MYO3B: variants seen among roughly 807,000 people sequenced by gnomAD.
The protein encoded by MYO3B is myosin IIIB.
In MYO3B, 156 loss-of-function variants were observed where a neutral mutation model predicts 174.6. That is an observed-to-expected ratio of 0.89 (90% CI 0.78 to 1.02). The LOEUF (loss-of-function observed/expected upper bound fraction) is 1.02. Ranked by LOEUF, MYO3B falls within the 50% of genes least tolerant of loss-of-function variation. MYO3B has a pLI of 0.00. For synonymous variants in MYO3B, 563 were observed against 569.1 expected (o/e 0.99, Z 0.15); for missense variants, 1,632 against 1,639.4 (o/e 1.00, Z 0.08).
At chr2:170,497,484 C>T (rs991509968) in intron 25 of MYO3B, among the ~76,000 whole-genome samples, 3 of 152,048 alleles carry the variant, frequency 2.0e-5, no homozygotes, top group Admixed American at 6.5e-5. Flanking sequence ...GGCACAGTGG[C>T]GGGCGCCTGT....
Position 170,580,718 on chromosome 2 carries a change from A to G in MYO3B, c.3733+36730A>G, listed in dbSNP as rs375782009. Among the ~76,000 whole-genome samples, 175 of 142,776 alleles carry G rather than the reference A, an allele frequency of 1.2e-3. 1 individual carries two copies. The highest frequency in any genetic ancestry group is 2.8e-3 in the Admixed American group (40 of 14,266). The allele number at this position is 142,776 out of a possible 152,430, so 93.7% of individuals were successfully genotyped here. A position where few individuals can be genotyped will look rare whatever the true frequency, so the allele number is the denominator to read the frequency against. On this transcript the variant is annotated intron_variant, in intron 32 of 34. Transcript: ENST00000408978. ...CTTCAGGTCCCACAAAACCTTATAT[A>G]TGTGTGTGTGTGTGTGTGTGTGTGT...
At chr2:170,253,301 G>C (rs2093272868) in intron 7 of MYO3B, among the ~76,000 whole-genome samples, 1 of 152,158 alleles carries the variant, frequency 6.6e-6, no homozygotes, top group Non-Finnish European at 1.5e-5. Context: ...GGGTATGAGA[G>C]GGAGAGAGGA....
chr2:170,270,951 C>T (rs2105369230), intron 7 of MYO3B, among the ~76,000 whole-genome samples: 1 of 152,174 alleles, frequency 6.6e-6, no homozygotes, highest in East Asian at 1.9e-4. Flanking sequence ...GTTCCACATC[C>T]ATGGAGTTGG....
At chr2:170,430,465 G>C (rs1042686541) in intron 22 of MYO3B, among the ~76,000 whole-genome samples, 4 of 149,510 alleles carry the variant, frequency 2.7e-5, no homozygotes, top group South Asian at 2.1e-4. Context: ...TCCGCCTCCT[G>C]GGTTCGAGGG....
At chr2:170,333,574 A>G (rs962032889) in intron 7 of MYO3B, among the ~76,000 whole-genome samples, 2 of 152,112 alleles carry the variant, frequency 1.3e-5, no homozygotes, top group African/African-American at 4.8e-5. Flanking sequence ...CTCTCTTCAG[A>G]TCCAAAAGAT....
chr2:170,284,804 C>G (rs923015477), intron 7 of MYO3B, among the ~76,000 whole-genome samples: 1 of 152,148 alleles, frequency 6.6e-6, no homozygotes, highest in African/African-American at 2.4e-5. Context: ...ACTATCTATC[C>G]TACTTGTCTC....
intron 8 of MYO3B, chr2:170,346,492 A>C (rs1327991547): frequency 6.6e-6 from 1 of 152,168 alleles, no homozygotes; most frequent in East Asian, 1.9e-4. Context: ...ATGACACCAT[A>C]AAACAATCAC....
At chr2:170,296,732 A>G (rs1435675616) in intron 7 of MYO3B, among the ~76,000 whole-genome samples, 2 of 152,198 alleles carry the variant, frequency 1.3e-5, no homozygotes, top group South Asian at 2.1e-4. Flanking sequence ...AGGTTTAATT[A>G]GCTTGCAGTT....
chr2:170,600,779 G>A (rs1313169672), intron 32 of MYO3B, among the ~76,000 whole-genome samples: 2 of 152,244 alleles, frequency 1.3e-5, no homozygotes, highest in Non-Finnish European at 2.9e-5. Flanking sequence ...GCCATTACAT[G>A]GTAATGGGAG....
At chr2:170,481,740 G>A (rs942760319) in intron 25 of MYO3B, among the ~76,000 whole-genome samples, 1 of 151,994 alleles carries the variant, frequency 6.6e-6, no homozygotes, top group African/African-American at 2.4e-5. Flanking sequence ...ACCTTCTAGG[G>A]GCAGGAGTGG....
At chr2:170,511,762 A>G (rs1387038810) in intron 28 of MYO3B, among the ~76,000 whole-genome samples, 10 of 152,152 alleles carry the variant, frequency 6.6e-5, no homozygotes, top group Non-Finnish European at 1.2e-4. Context: ...ATTTTTTCCC[A>G]TCAAGACGGA....
intron 7 of MYO3B, among the ~76,000 whole-genome samples, chr2:170,278,530 T>A (rs921401827): frequency 2.0e-5 from 3 of 152,148 alleles, no homozygotes; most frequent in African/African-American, 7.2e-5. Context: ...ATGTGATGTT[T>A]TATGCATAGA....
intron 25 of MYO3B, among the ~76,000 whole-genome samples, chr2:170,472,670 T>A: frequency 9.2e-6 from 1 of 109,230 alleles, no homozygotes; most frequent in African/African-American, 2.9e-5. Context: ...GCTCACTTTT[T>A]ATCTATTTAT....
intron 7 of MYO3B, among the ~76,000 whole-genome samples, chr2:170,245,216 T>C (rs1376536880): frequency 6.6e-6 from 1 of 152,172 alleles, no homozygotes; most frequent in African/African-American, 2.4e-5. Context: ...AATCCCACAA[T>C]GTCTTAGTCG....
rs180692330 is a variant in MYO3B at position 170,335,228 on chromosome 2, G to C, written c.750-157G>C. Among the ~76,000 whole-genome samples the C allele has an allele frequency of 3.3e-5, 5 of 152,246 alleles. No homozygotes were observed. The East Asian group carries it at 7.7e-4, about 24-fold the overall frequency. ...AAAATGAATGACTACAGGAATAAGG[G>C]TTGGCACTTTATAATCTACCACTAA... On this transcript the variant is annotated intron_variant, in intron 7 of 34. Coordinates refer to ENST00000408978, the MANE Select transcript of MYO3B (RefSeq NM_138995.5).
intron 1 of MYO3B, among the ~76,000 whole-genome samples, chr2:170,183,727 G>T (rs890347471): frequency 3.9e-5 from 6 of 151,924 alleles, no homozygotes; most frequent in Non-Finnish European, 5.9e-5. Flanking sequence ...ATTTTATAGT[G>T]TTTGTGAGAG....
chr2:170,526,808 C>T (rs1249605382), intron 30 of MYO3B, among the ~76,000 whole-genome samples: 3 of 152,088 alleles, frequency 2.0e-5, no homozygotes, highest in Non-Finnish European at 1.5e-5. Context: ...TGCTTATGGC[C>T]GTACATAAAT....
chr2:170,348,110 T>G (rs2094031188), intron 8 of MYO3B: 1 of 152,206 alleles, frequency 6.6e-6, no homozygotes, highest in Admixed American at 6.5e-5. Context: ...CTGGGCAACA[T>G]AGCAAGACAT....
chr2:170,274,810 A>C (rs1032662170), intron 7 of MYO3B, among the ~76,000 whole-genome samples: 2 of 152,188 alleles, frequency 1.3e-5, no homozygotes, highest in African/African-American at 4.8e-5. Flanking sequence ...AAAGAAAAAA[A>C]CGCAAAGTAA....
Sources: allele counts gnomAD v4.1 joint callset (sites outside exome capture counted in the v4.1 genomes callset), GRCh38; gene constraint gnomAD v4.1.1; transcripts MANE v1.5; gene names NCBI Gene and HGNC (gene_info 2026-07-23, HGNC 2026-07-21).